The following SGCZ variants were observed in gnomAD, a reference collection of about 807,000 sequenced individuals.
SGCZ encodes the protein sarcoglycan zeta, also known as zeta-sarcoglycan.
Under a neutral mutation model 41.3 loss-of-function variants are expected in SGCZ, and 40 were observed. The ratio of observed to expected loss-of-function variants is 0.97; its 90% confidence interval spans 0.75 to 1.26. The LOEUF (loss-of-function observed/expected upper bound fraction) is 1.26. Among genes scored for constraint, SGCZ ranks in the 50% most tolerant of loss-of-function variants. SGCZ has a pLI of 0.00. For synonymous variants in SGCZ, 206 were observed against 137.5 expected, an observed-to-expected ratio of 1.50 and a Z score of -3.49; for missense variants, 552 against 369.8, an observed-to-expected ratio of 1.49 and a Z score of -4.04.
At chr8:14,495,304 T>C (rs1801958223) in intron 2 of SGCZ, among the ~76,000 whole-genome samples, 1 of 152,230 alleles carries the variant, frequency 6.6e-6, no homozygotes, top group Non-Finnish European at 1.5e-5. Context: ...ATTAAATCAA[T>C]ACATTACTTC....
intron 1 of SGCZ, among the ~76,000 whole-genome samples, chr8:14,704,174 C>T (rs568934606): frequency 6.6e-6 from 1 of 151,982 alleles, no homozygotes; most frequent in Non-Finnish European, 1.5e-5. Flanking sequence ...CATGGTCGTA[C>T]AGCTATGCAT....
chr8:14,382,762 G>T (rs538381689), intron 2 of SGCZ, among the ~76,000 whole-genome samples: 1 of 152,292 alleles, frequency 6.6e-6, no homozygotes, highest in East Asian at 1.9e-4. Context: ...AAAGAGTTTT[G>T]TAATGTTTGC....
chr8:14,985,534 T>C lies in SGCZ; in HGVS notation c.39+252051A>G, dbSNP rs938509344. On this transcript the variant is annotated intron_variant, in intron 1 of 7. Coordinates refer to ENST00000382080, the MANE Select transcript of SGCZ (RefSeq NM_139167.4). ...CCAGAGATTCAGAGTCTGACCTCAG[T>C]GCCTTGAATTAGAATTCAAAGTAAA... 2.0e-5 allele frequency among the ~76,000 whole-genome samples: 3 copies of C among 152,164 alleles called. No homozygotes were observed. The South Asian group carries it at 6.2e-4, about 31-fold the overall frequency.
At chr8:14,905,072 C>G (rs1013728000) in intron 1 of SGCZ, among the ~76,000 whole-genome samples, 1 of 151,910 alleles carries the variant, frequency 6.6e-6, no homozygotes, top group Non-Finnish European at 1.5e-5. Context: ...TGACACTACC[C>G]TATACTCACT....
intron 2 of SGCZ, among the ~76,000 whole-genome samples, chr8:14,454,514 T>C (rs1426738956): frequency 6.6e-6 from 1 of 151,980 alleles, no homozygotes; most frequent in Non-Finnish European, 1.5e-5. Context: ...ACCAGTAAAA[T>C]ACCAATAATC....
chr8:14,533,568 C>T (rs961973949), intron 2 of SGCZ, among the ~76,000 whole-genome samples: 2 of 151,868 alleles, frequency 1.3e-5, no homozygotes, highest in African/African-American at 4.8e-5. Flanking sequence ...CAAAGAAACT[C>T]ATGATGACAT....
At chr8:14,101,573 AC>A (rs1802022424) in intron 7 of SGCZ, among the ~76,000 whole-genome samples, 1 of 76,264 alleles carries the variant, frequency 1.3e-5, no homozygotes, top group South Asian at 4.9e-4. Flanking sequence ...AGGAGTAGCA[AC>A]AAGATTTAAA....
rs139465531 is a variant in SGCZ at position 14,388,336 on chromosome 8, C to G, written c.235-64132G>C. Among the ~76,000 whole-genome samples the G allele has an allele frequency of 2.1e-3, 314 of 152,024 alleles. 1 individual carries two copies. The highest frequency in any genetic ancestry group is 6.9e-3 in the African/African-American group (288 of 41,474). The stretch of plus-strand genomic sequence containing the variant: ...TGAGGCCTAGGAGCTGGGCATCTGG[C>G]ACACCCAGAGAAAAGAGAATTGGTC... On this transcript the variant is annotated intron_variant, in intron 2 of 7. Transcript: ENST00000382080.
At chr8:14,239,488 T>C (rs1029080254) in intron 3 of SGCZ, among the ~76,000 whole-genome samples, 1 of 152,184 alleles carries the variant, frequency 6.6e-6, no homozygotes, top group African/African-American at 2.4e-5. Flanking sequence ...GAGTTTGGTT[T>C]AGAGTTTTAA....
intron 1 of SGCZ, among the ~76,000 whole-genome samples, chr8:14,691,774 T>A (rs1442130584): frequency 1.3e-5 from 2 of 151,708 alleles, no homozygotes; most frequent in African/African-American, 2.4e-5. Flanking sequence ...AATGAACCAA[T>A]CAAAAACTGC....
chr8:14,807,962 G>A (rs921478514), intron 1 of SGCZ, among the ~76,000 whole-genome samples: 1 of 151,308 alleles, frequency 6.6e-6, no homozygotes, highest in Non-Finnish European at 1.5e-5. Context: ...ACAAACCTGA[G>A]AAAAACAAAC....
chr8:14,967,647 A>G (rs1801164951), intron 1 of SGCZ, among the ~76,000 whole-genome samples: 1 of 152,276 alleles, frequency 6.6e-6, no homozygotes, highest in East Asian at 1.9e-4. Flanking sequence ...GTCATTTCAT[A>G]TCTCAGTGAC....
chr8:14,200,722 T>C (rs969078052), intron 4 of SGCZ, among the ~76,000 whole-genome samples: 1 of 152,132 alleles, frequency 6.6e-6, no homozygotes, highest in African/African-American at 2.4e-5. Flanking sequence ...GAATAAAGTC[T>C]TTGTGACCTT....
chr8:14,793,658 GGTAAAGGGGATT>G (rs1462793781), intron 1 of SGCZ, among the ~76,000 whole-genome samples: 1 of 152,034 alleles, frequency 6.6e-6, no homozygotes, highest in Non-Finnish European at 1.5e-5. Flanking sequence ...AGGAATTTGG[GGTAAAGGGGATT>G]GCAAATGGGT....
chr8:15,061,277 A>C (rs950285383), intron 1 of SGCZ, among the ~76,000 whole-genome samples: 4 of 147,742 alleles, frequency 2.7e-5, no homozygotes, highest in Non-Finnish European at 6.1e-5. Context: ...ACAAACTAAC[A>C]CAGGAACAGA....
intron 5 of SGCZ, among the ~76,000 whole-genome samples, chr8:14,129,587 A>G (rs569952212): frequency 6.6e-6 from 1 of 152,086 alleles, no homozygotes; most frequent in East Asian, 1.9e-4. Context: ...ATTTAAAAAG[A>G]TAAGAACATC....
chr8:14,889,726 C>T (rs1053271303), intron 1 of SGCZ, among the ~76,000 whole-genome samples: 27 of 151,684 alleles, frequency 1.8e-4, no homozygotes, highest in African/African-American at 3.9e-4. Flanking sequence ...ATTTTAAATA[C>T]ACAAAATATA....
At chr8:14,145,286 C>G (rs1445526642) in intron 5 of SGCZ, among the ~76,000 whole-genome samples, 1 of 152,064 alleles carries the variant, frequency 6.6e-6, no homozygotes, top group Non-Finnish European at 1.5e-5. Flanking sequence ...GCCTGGTAAT[C>G]CAGAGAATTC....
At chr8:15,225,232 G>T (rs1281175272) in intron 1 of SGCZ, among the ~76,000 whole-genome samples, 1 of 151,984 alleles carries the variant, frequency 6.6e-6, no homozygotes, top group Non-Finnish European at 1.5e-5. Flanking sequence ...TATTATGCAG[G>T]CCATTTTTTT....
Sources: gnomAD v4.1 joint callset for allele counts (sites outside exome capture counted in the v4.1 genomes callset) on GRCh38, gnomAD v4.1.1 for gene constraint, MANE v1.5 for transcripts, NCBI Gene and HGNC (gene_info 2026-07-23, HGNC 2026-07-21) for gene names.